Variants in MUCL1 observed in about 807,000 individuals in gnomAD.
MUCL1 encodes mucin-like protein 1.
A neutral mutation model predicts 9.2 loss-of-function variants in MUCL1; 11 were observed. The ratio of observed to expected loss-of-function variants is 1.19; its 90% CI spans 0.75 to 1.97. The LOEUF is 1.97. Ranked by LOEUF, MUCL1 falls within the 30% of genes most tolerant of loss-of-function variation. The pLI is 0.00. For missense variants in MUCL1, 144 were observed against 110.9 expected (o/e 1.30, Z -1.34); for synonymous variants, 48 against 40.5 (o/e 1.19, Z -0.71).
rs1565778889 is a variant in MUCL1, at chr12:54,854,551, TG to T, written c.-31del. The T allele has an allele frequency of 6.3e-7, 1 of 1,597,412 alleles. No homozygotes were observed. Among genetic ancestry groups the T allele is most frequent in the Non-Finnish European group, 8.6e-7 (1 of 1,168,288 alleles). On this transcript the variant is annotated 5_prime_UTR_variant, in exon 1 of 4. Coordinates refer to ENST00000308796, the MANE Select transcript of MUCL1 (RefSeq NM_058173.3). ...CTTCTCTTAGGCTTTGAAGCATTTT[TG>T]TCTGTGCTCCCTGATCTTCAGGTCA...
chr12:54,851,496 A>G (rs989938251), upstream of MUCL1, among the ~76,000 whole-genome samples: 1 of 152,200 alleles, frequency 6.6e-6, no homozygotes, highest in Non-Finnish European at 1.5e-5. Flanking sequence ...TTAGGTATTG[A>G]TGGGACGTAT....
At chr12:54,845,318 G>A (rs1222378252) in intron 1 of MUCL1, among the ~76,000 whole-genome samples, 1 of 152,172 alleles carries the variant, frequency 6.6e-6, no homozygotes, top group African/African-American at 2.4e-5. Flanking sequence ...CCTTTATAGT[G>A]AGTTGACTGG....
upstream of MUCL1, among the ~76,000 whole-genome samples, chr12:54,836,395 A>G (rs1565774171): frequency 1.3e-5 from 2 of 152,086 alleles, no homozygotes; most frequent in Admixed American, 6.6e-5. Flanking sequence ...GTGTTATAGT[A>G]ATCTTGAATT....
chr12:54,836,022 G>C (rs560681811), upstream of MUCL1, among the ~76,000 whole-genome samples: 1 of 152,240 alleles, frequency 6.6e-6, no homozygotes, highest in South Asian at 2.1e-4. Context: ...TGTTCATCAG[G>C]AATATTGGTC....
chr12:54,835,892 T>C (rs1959192413), upstream of MUCL1, among the ~76,000 whole-genome samples: 2 of 152,212 alleles, frequency 1.3e-5, no homozygotes, highest in African/African-American at 4.8e-5. Flanking sequence ...TTTATTAATT[T>C]GCATATGTGG....
At chr12:54,855,931 G>C (rs371499798) in intron 2 of MUCL1, among the ~76,000 whole-genome samples, 3 of 152,190 alleles carry the variant, frequency 2.0e-5, no homozygotes, top group East Asian at 3.9e-4. Flanking sequence ...TAAAGCCTGA[G>C]ACAGCATGGA....
At chr12:54,843,718 A>C (rs1318251926) in intron 1 of MUCL1, among the ~76,000 whole-genome samples, 1 of 152,218 alleles carries the variant, frequency 6.6e-6, no homozygotes, top group Non-Finnish European at 1.5e-5. Context: ...TAATGTGAGC[A>C]GCCTCCAGAA....
At chr12:54,858,075 C>G in intron 3 of MUCL1, 118 bp from the exon 4 acceptor site, 1 of 1,231,464 alleles carries the variant, frequency 8.1e-7, no homozygotes, top group Non-Finnish European at 1.2e-6. Context: ...ATGTTCCTTT[C>G]GAATCCCCTG....
chr12:54,846,064 C>T (rs1270017820), intron 1 of MUCL1, among the ~76,000 whole-genome samples: 4 of 152,182 alleles, frequency 2.6e-5, no homozygotes, highest in Non-Finnish European at 5.9e-5. Flanking sequence ...AAACCTTGCA[C>T]TTGTCCTTCG....
chr12:54,854,295 G>T (rs1868280895), upstream of MUCL1, among the ~76,000 whole-genome samples: 1 of 152,200 alleles, frequency 6.6e-6, no homozygotes, highest in Non-Finnish European at 1.5e-5. Flanking sequence ...AAGAGAAGTT[G>T]CCTGGAGCAT....
At chr12:54,835,852 A>T (rs952581977), upstream of MUCL1, among the ~76,000 whole-genome samples, 3 of 152,034 alleles carry the variant, frequency 2.0e-5, no homozygotes, top group African/African-American at 4.8e-5. Context: ...TTTTTGTTTT[A>T]AATTCTGCCT....
At chr12:54,838,133 C>T (rs138830553), upstream of MUCL1, among the ~76,000 whole-genome samples, 195 of 152,326 alleles carry the variant, frequency 1.3e-3, 2 homozygotes, top group East Asian at 5.8e-4. Flanking sequence ...CTGGTAGTGA[C>T]AAACTCCCTC....
upstream of MUCL1, chr12:54,839,283 T>G: frequency 1.5e-6 from 1 of 681,488 alleles, no homozygotes; most frequent in Admixed American, 2.0e-5. Flanking sequence ...GCAGGTGGGA[T>G]TGGAATGGTG....
chr12:54,847,445 G>A (rs1027729822), intron 1 of MUCL1, among the ~76,000 whole-genome samples: 6 of 152,192 alleles, frequency 3.9e-5, no homozygotes, highest in Middle Eastern at 3.4e-3. Context: ...GTGAAACTCC[G>A]TCTCTACTAA....
At chr12:54,856,682 G>A (rs918221580) in intron 2 of MUCL1, 88 bp from the exon 3 acceptor site, 30 of 1,505,898 alleles carry the variant, frequency 2.0e-5, no homozygotes, top group Non-Finnish European at 2.4e-5. Flanking sequence ...ATGAATTCAG[G>A]ATGAGGAATG....
chr12:54,844,526 T>C (rs1959232458), intron 1 of MUCL1, among the ~76,000 whole-genome samples: 1 of 152,220 alleles, frequency 6.6e-6, no homozygotes, highest in Non-Finnish European at 1.5e-5. Context: ...CTCTAACTTG[T>C]GATGTGCACC....
chr12:54,832,553 C>T (rs1009860838), intron 1 of MUCL1, among the ~76,000 whole-genome samples: 4 of 152,032 alleles, frequency 2.6e-5, no homozygotes, highest in Non-Finnish European at 4.4e-5. Context: ...TTTGGTTAAA[C>T]GGATAACTGT....
At chr12:54,855,397 T>G (rs1565779154) in intron 2 of MUCL1, 2 of 488,616 alleles carry the variant, frequency 4.1e-6, no homozygotes, top group Non-Finnish European at 3.7e-6. Context: ...TGTGGACTTA[T>G]TATTCATTGT....
intron 1 of MUCL1, among the ~76,000 whole-genome samples, chr12:54,847,538 C>G (rs1959274888): frequency 6.6e-6 from 1 of 152,106 alleles, no homozygotes; most frequent in African/African-American, 2.4e-5. Context: ...TTGCTTGAAC[C>G]CAGGAGGCAG....
Sources: allele counts gnomAD v4.1 joint callset (sites outside exome capture counted in the v4.1 genomes callset), GRCh38; gene constraint gnomAD v4.1.1; transcripts MANE v1.5; gene names NCBI Gene and HGNC (gene_info 2026-07-23, HGNC 2026-07-21).